OPA3: variants seen among roughly 807,000 people sequenced by gnomAD.
OPA3 encodes the protein outer mitochondrial membrane lipid metabolism regulator OPA3, also known as optic atrophy 3 protein.
Under a neutral mutation model 4.0 loss-of-function variants are expected in OPA3, and 6 were observed. The ratio of observed to expected loss-of-function variants is 1.51; its 90% confidence interval spans 0.83 to 2.99. OPA3 has a LOEUF of 2.99. OPA3 is among the 30% of genes most tolerant of loss of function. The pLI is 0.00. For missense variants in OPA3, 235 were observed against 256.2 expected (o/e 0.92, Z 0.56); for synonymous variants, 105 against 117.1 (o/e 0.90, Z 0.67).
chr19:45,566,737 G>A (rs1249124762), intron 1 of OPA3, among the ~76,000 whole-genome samples: 1 of 152,024 alleles, frequency 6.6e-6, no homozygotes, highest in Non-Finnish European at 1.5e-5. Flanking sequence ...GCCTCCCAAA[G>A]TGCTGGGATT....
intron 1 of OPA3, among the ~76,000 whole-genome samples, chr19:45,563,133 A>C (rs528014499): frequency 6.6e-6 from 1 of 152,194 alleles, no homozygotes; most frequent in East Asian, 1.9e-4. Context: ...TGGGCTCCTT[A>C]ATCCTGCAGC....
chr19:45,565,136 A>G (rs1969563674), intron 1 of OPA3, among the ~76,000 whole-genome samples: 1 of 152,066 alleles, frequency 6.6e-6, no homozygotes, highest in South Asian at 2.1e-4. Context: ...TCGGAGGCTG[A>G]GGTAGGAGAA....
chr19:45,571,044 T>C (rs2122490046), intron 1 of OPA3, among the ~76,000 whole-genome samples: 1 of 151,594 alleles, frequency 6.6e-6, no homozygotes, highest in East Asian at 1.9e-4. Flanking sequence ...ATCCCTCTAA[T>C]TTTTGTGTAT....
chr19:45,556,379 T>C (rs1969421874), intron 1 of OPA3, among the ~76,000 whole-genome samples: 1 of 151,980 alleles, frequency 6.6e-6, no homozygotes, highest in African/African-American at 2.4e-5. Context: ...ATTTAACAGA[T>C]GGGCTCTCAC....
chr19:45,532,546 C>T (rs1599948849), intron 1 of OPA3, among the ~76,000 whole-genome samples: 1 of 152,108 alleles, frequency 6.6e-6, no homozygotes, highest in South Asian at 2.1e-4. Flanking sequence ...CAGTCTGGAA[C>T]GCCACCCTGC....
chr19:45,559,755 T>C lies in OPA3; in HGVS notation c.143-5844A>G, dbSNP rs1969477716. ...CCCAATTCTTCTTTTAGATCTCAGCTGGACTGTCCCTTCCTCCAGGAAGCC... is the reference window on the plus strand; with the variant it reads ...CCCAATTCTTCTTTTAGATCTCAGCCGGACTGTCCCTTCCTCCAGGAAGCC... On this transcript the variant is annotated intron_variant, in intron 1 of 1. Coordinates refer to ENST00000263275, the MANE Select transcript of OPA3 (RefSeq NM_025136.4). 3.3e-5 allele frequency among the ~76,000 whole-genome samples: 5 copies of C among 152,136 alleles called. 1 individual carries two copies. Among genetic ancestry groups the C allele is most frequent in the African/African-American group, 1.2e-4 (5 of 41,440 alleles).
chr19:45,575,047 G>A (rs1040299123), intron 1 of OPA3, among the ~76,000 whole-genome samples: 4 of 152,116 alleles, frequency 2.6e-5, no homozygotes, highest in Non-Finnish European at 5.9e-5. Flanking sequence ...AGAACTGTCC[G>A]GCTGAGCCCA....
At chr19:45,542,676 T>G (rs571425660), downstream of OPA3, among the ~76,000 whole-genome samples, 12,415 of 146,216 alleles carry the variant, frequency 0.085, 631 homozygotes, top group South Asian at 0.18. Flanking sequence ...TTTTTTTTTT[T>G]TTTTTTTTTT....
At chr19:45,566,217 T>C (rs553637504) in intron 1 of OPA3, among the ~76,000 whole-genome samples, 2 of 143,674 alleles carry the variant, frequency 1.4e-5, no homozygotes, top group Non-Finnish European at 3.0e-5. Context: ...AGGCGCAATC[T>C]CAGCTCACTG....
intron 1 of OPA3, among the ~76,000 whole-genome samples, chr19:45,577,017 T>C (rs1079271): frequency 0.44 from 67,222 of 152,104 alleles, 18,208 homozygotes; most frequent in African/African-American, 0.76. Context: ...GGAATTTTCC[T>C]ACTGCCCAGA....
intron 1 of OPA3, among the ~76,000 whole-genome samples, chr19:45,571,495 C>A (rs1183472531): frequency 6.6e-6 from 1 of 152,066 alleles, no homozygotes; most frequent in Non-Finnish European, 1.5e-5. Context: ...TACATATATG[C>A]TAGGGAAGGA....
At chr19:45,580,188 G>A (rs1302377376) in intron 1 of OPA3, among the ~76,000 whole-genome samples, 1 of 150,906 alleles carries the variant, frequency 6.6e-6, no homozygotes, top group African/African-American at 2.4e-5. Flanking sequence ...GTAGAGAAGG[G>A]GTTTCACCAT....
chr19:45,544,943 A>G (rs532329108), downstream of OPA3, among the ~76,000 whole-genome samples: 1 of 152,000 alleles, frequency 6.6e-6, no homozygotes, highest in East Asian at 1.9e-4. Flanking sequence ...AGATCGTGTC[A>G]TTGCACTCCA....
In OPA3 at chr19:45,584,634, G is replaced by A. The variant is rs2122529178; in HGVS notation, c.131C>T (p.Pro44Leu). 4 of 1,614,202 alleles carry A rather than the reference G, an allele frequency of 2.5e-6. No homozygotes were observed. Among genetic ancestry groups the A allele is most frequent in the Non-Finnish European group, 3.4e-6 (4 of 1,180,030 alleles). Residue 44 changes from proline to leucine, a missense_variant, in exon 1 of 2, where the codon CCG (proline) becomes CTG (leucine). Pro to Leu is a moderately conservative substitution (Grantham distance 98). Transcript: ENST00000263275. ...CGGGTCAGACTCACGTTGAGCCGGCGGGAGGCAGATATAGGTCTTGAAGAA... is the reference window on the plus strand; with the variant it reads ...CGGGTCAGACTCACGTTGAGCCGGCAGGAGGCAGATATAGGTCTTGAAGAA... ...SEFFKTYICLPPAQLYHWVEM... is the reference protein window; with the variant it reads ...SEFFKTYICLLPAQLYHWVEM...
At chr19:45,555,790 C>T (rs1365884734) in intron 1 of OPA3, among the ~76,000 whole-genome samples, 1 of 152,124 alleles carries the variant, frequency 6.6e-6, no homozygotes, top group Admixed American at 6.6e-5. Context: ...CGTGCCTAGT[C>T]ATTTTTGTAT....
At chr19:45,571,100 T>C (rs1969659812) in intron 1 of OPA3, among the ~76,000 whole-genome samples, 3 of 151,972 alleles carry the variant, frequency 2.0e-5, no homozygotes, top group South Asian at 4.1e-4. Flanking sequence ...ATGTTAGCGC[T>C]ATACATGACT....
In OPA3 at chr19:45,553,930, G is replaced by A; in HGVS notation, c.143-19C>T. On this transcript the variant is annotated intron_variant, in intron 1 of 1. Coordinates refer to ENST00000263275, the MANE Select transcript of OPA3 (RefSeq NM_025136.4). ...TGATACACTGCGGGGGAAGAGAGGG[G>A]TCAGGCTGCGCTCTGGGAGCCCCCT... 2 of 1,590,692 alleles carry A rather than the reference G, an allele frequency of 1.3e-6. No individual in the cohort carries two copies. The highest frequency in any genetic ancestry group is 1.1e-5 in the South Asian group (1 of 89,358).
At chr19:45,580,439 A>C (rs1346453780) in intron 1 of OPA3, among the ~76,000 whole-genome samples, 1 of 147,018 alleles carries the variant, frequency 6.8e-6, no homozygotes, top group Non-Finnish European at 1.5e-5. Flanking sequence ...GATTACAGGC[A>C]TGCGCCACCA....
At chr19:45,575,597 AAAACAGCACAAATTATTATTAT>A (rs1969754381) in intron 1 of OPA3, among the ~76,000 whole-genome samples, 1 of 151,970 alleles carries the variant, frequency 6.6e-6, no homozygotes. Flanking sequence ...GCAGTGGCTT[AAAACAGCACAAATTATTATTAT>A]TATTTGAGAC....
Sources: allele counts gnomAD v4.1 joint callset (sites outside exome capture counted in the v4.1 genomes callset), GRCh38; gene constraint gnomAD v4.1.1; transcripts MANE v1.5; gene names NCBI Gene and HGNC (gene_info 2026-07-23, HGNC 2026-07-21).